The following SULF1 variants were observed in gnomAD, a reference collection of about 807,000 sequenced individuals.
SULF1 encodes extracellular sulfatase Sulf-1.
A neutral mutation model predicts 110.5 loss-of-function variants in SULF1; 46 were observed. That is an observed-to-expected ratio of 0.42 (90% confidence interval 0.33 to 0.53). SULF1 has a LOEUF of 0.53. Ranked by LOEUF, SULF1 falls within the 20% of genes least tolerant of loss-of-function variation. The pLI is 0.12. For missense variants in SULF1, 941 were observed against 1,094.2 expected (o/e 0.86, Z 1.98); for synonymous variants, 371 against 387.1 (o/e 0.96, Z 0.49).
chr8:69,657,812 C>G (rs1812842191), intron 22 of SULF1, among the ~76,000 whole-genome samples: 1 of 152,128 alleles, frequency 6.6e-6, no homozygotes, highest in South Asian at 2.1e-4. Context: ...TTCTGCAGGG[C>G]TACAGTCATC....
intron 19 of SULF1, among the ~76,000 whole-genome samples, chr8:69,633,034 A>AT (rs1810706065): frequency 6.6e-6 from 1 of 151,750 alleles, no homozygotes; most frequent in Non-Finnish European, 1.5e-5. Flanking sequence ...AAAAAAAAAA[A>AT]GAAAAGAAAG....
intron 13 of SULF1, among the ~76,000 whole-genome samples, chr8:69,610,525 C>T (rs1808557320): frequency 6.6e-6 from 1 of 152,184 alleles, no homozygotes; most frequent in Admixed American, 6.5e-5. Flanking sequence ...GGATTGAGCT[C>T]CCAGTGCCAT....
At chr8:69,498,960 G>A (rs541093573) in intron 2 of SULF1, among the ~76,000 whole-genome samples, 1 of 152,314 alleles carries the variant, frequency 6.6e-6, no homozygotes, top group East Asian at 1.9e-4. Context: ...CTGGGCTGAA[G>A]CCATCCTCCC....
Position 69,616,344 on chromosome 8 carries a change from C to T in SULF1, c.1378-4691C>T, listed in dbSNP as rs1809143235. 3.3e-5 allele frequency among the ~76,000 whole-genome samples: 5 copies of T among 151,968 alleles called. No individual in the cohort carries two copies. In the South Asian group the frequency reaches 1.0e-3, roughly 32 times the overall value. The stretch of plus-strand genomic sequence containing the variant: ...AAGCCATTCTCCTGCCTCAGCCTCC[C>T]AAATAGCTGGGACTATAGGCATGCG... On this transcript the variant is annotated intron_variant, in intron 13 of 22. Transcript: ENST00000402687.
At chr8:69,590,416 C>T (rs926413929) in intron 8 of SULF1, among the ~76,000 whole-genome samples, 13 of 152,192 alleles carry the variant, frequency 8.5e-5, no homozygotes, top group East Asian at 1.9e-4. Flanking sequence ...CCACCCACCT[C>T]GGCCTCCCAA....
rs764551548 is a variant in SULF1, at chr8:69,601,714, G to A, written c.946G>A (p.Asp316Asn). The A allele has an allele frequency of 5.0e-6, 8 of 1,613,460 alleles. No individual in the cohort carries two copies. Among genetic ancestry groups the A allele is most frequent in the South Asian group, 1.1e-5 (1 of 90,854 alleles). ...LENTYIIYTA[D>N]HGYHIGQFGL... ...GAATACTTACATCATTTACACCGCC[G>A]ACCATGGTTACCATATTGGGCAGTT... Residue 316 changes from aspartate to asparagine, a missense_variant, in exon 10 of 23, where the codon GAC becomes AAC. By Grantham distance (23) the Asp-to-Asn change is conservative. Around this residue, in one of 3 missense-constraint regions of SULF1, gnomAD observed 822 missense variants for 934.3 expected, o/e 0.88. Coordinates refer to ENST00000402687, the MANE Select transcript of SULF1 (RefSeq NM_001128205.2).
chr8:69,604,605 C>T (rs1050757097), intron 12 of SULF1, among the ~76,000 whole-genome samples, 198 bp from the exon 13 acceptor site: 1 of 152,094 alleles, frequency 6.6e-6, no homozygotes, highest in Admixed American at 6.6e-5. Context: ...GACCTCTCAT[C>T]TTCATCCTAC....
At chr8:69,516,839 A>G (rs999129007) in intron 3 of SULF1, among the ~76,000 whole-genome samples, 43 of 152,150 alleles carry the variant, frequency 2.8e-4, no homozygotes, top group Admixed American at 3.3e-4. Context: ...TTGATATTAT[A>G]TGTTTTACAG....
At chr8:69,479,191 A>C (rs1488278047) in intron 1 of SULF1, among the ~76,000 whole-genome samples, 2 of 152,166 alleles carry the variant, frequency 1.3e-5, no homozygotes, top group African/African-American at 4.8e-5. Context: ...GCTGGGTGTC[A>C]CTCACATGCC....
At chr8:69,653,644 C>T (rs1812517116) in intron 22 of SULF1, among the ~76,000 whole-genome samples, 3 of 152,136 alleles carry the variant, frequency 2.0e-5, no homozygotes, top group Admixed American at 2.0e-4. Flanking sequence ...CATCATTGGC[C>T]ATTGGTAGTT....
intron 3 of SULF1, among the ~76,000 whole-genome samples, chr8:69,553,936 C>T (rs1401570354): frequency 6.6e-6 from 1 of 152,188 alleles, no homozygotes; most frequent in East Asian, 1.9e-4. Flanking sequence ...TCTAATATCA[C>T]ATCAGGTTTT....
At chr8:69,611,785 T>C (rs1808677057) in intron 13 of SULF1, among the ~76,000 whole-genome samples, 1 of 152,156 alleles carries the variant, frequency 6.6e-6, no homozygotes, top group African/African-American at 2.4e-5. Flanking sequence ...CTAGTGTGTG[T>C]TTATGTATAA....
intron 19 of SULF1, among the ~76,000 whole-genome samples, chr8:69,634,718 C>A (rs931450525): frequency 6.6e-6 from 1 of 151,440 alleles, no homozygotes; most frequent in Non-Finnish European, 1.5e-5. Flanking sequence ...CACCACTGGG[C>A]GACAGAGTGA....
chr8:69,540,928 CTA>C (rs1376395471), intron 3 of SULF1, among the ~76,000 whole-genome samples: 64 of 115,028 alleles, frequency 5.6e-4, no homozygotes, highest in Admixed American at 1.8e-3. Context: ...TCACTCTAAA[CTA>C]ACCCAAATTA....
chr8:69,607,239 G>C (rs553276186), intron 13 of SULF1, among the ~76,000 whole-genome samples: 3 of 152,202 alleles, frequency 2.0e-5, no homozygotes, highest in African/African-American at 7.2e-5. Flanking sequence ...TCTAACCCAC[G>C]ATTGTGTTTA....
At chr8:69,526,798 A>AAAGGAAGGAAGGAAGGAAGGAAGGAAGG (rs5892198) in intron 3 of SULF1, among the ~76,000 whole-genome samples, 7 of 112,198 alleles carry the variant, frequency 6.2e-5, no homozygotes, top group South Asian at 3.6e-4. Context: ...GTCAAGAAAG[A>AAAGGAAGGAAGGAAGGAAGGAAGGAAGG]AAGGAAGGAA....
At chr8:69,640,084 A>AGAGG (rs1360652463) in intron 21 of SULF1, among the ~76,000 whole-genome samples, 2 of 150,938 alleles carry the variant, frequency 1.3e-5, no homozygotes, top group African/African-American at 4.9e-5. Context: ...AGAGAGAGAG[A>AGAGG]GAGGGAGGGA....
intron 5 of SULF1, among the ~76,000 whole-genome samples, chr8:69,568,930 A>G (rs960916593): frequency 2.0e-5 from 3 of 152,206 alleles, no homozygotes; most frequent in Admixed American, 6.5e-5. Flanking sequence ...GAGATGCGTT[A>G]TTTATTCTGT....
rs936192260 is a variant in SULF1 at position 69,627,411 on chromosome 8, T to C, written c.1947+105T>C. Reference sequence around the variant, plus strand: ...TACCACAGATACACATCATCTATAATTATGTGAAAAAATACAAAAAAAAAA... The same window carrying C: ...TACCACAGATACACATCATCTATAACTATGTGAAAAAATACAAAAAAAAAA... On this transcript the variant is annotated intron_variant, in intron 16 of 22. Transcript: ENST00000402687. The C allele has an allele frequency of 1.8e-5, 14 of 766,302 alleles. No individual in the cohort carries two copies. The African/African-American group carries it at 2.7e-4, about 15-fold the overall frequency. 47.5% of individuals were successfully genotyped at this position (766,302 alleles called of 1,614,324 possible).
Sources: gnomAD v4.1 joint callset for allele counts (sites outside exome capture counted in the v4.1 genomes callset) on GRCh38, gnomAD v4.1.1 for gene constraint, gnomAD v4.1.1 regional missense constraint, MANE v1.5 for transcripts, NCBI Gene and HGNC (gene_info 2026-07-23, HGNC 2026-07-21) for gene names.